Variants in SLX4IP observed in about 807,000 individuals in gnomAD.
The protein encoded by SLX4IP is SLX4 interacting protein, also known as protein SLX4IP.
Under a neutral mutation model 32.9 loss-of-function variants are expected in SLX4IP, and 34 were observed. That is an observed-to-expected ratio of 1.03 (90% CI 0.79 to 1.38). The LOEUF (loss-of-function observed/expected upper bound fraction) is 1.38. SLX4IP is among the 40% of genes most tolerant of loss of function. The probability of loss-of-function intolerance (pLI) is 0.00; values close to 1 mark genes in which losing one functional copy is unlikely to be tolerated. For synonymous variants in SLX4IP, 172 were observed against 171.7 expected (o/e 1.00, Z -0.01); for missense variants, 444 against 479.0 (o/e 0.93, Z 0.68).
chr20:10,566,449 C>A (rs528817682), intron 4 of SLX4IP, among the ~76,000 whole-genome samples: 2 of 152,200 alleles, frequency 1.3e-5, no homozygotes, highest in South Asian at 4.2e-4. Flanking sequence ...TCATTGTTAT[C>A]ATCTGTGTTA....
chr20:10,616,759 C>T (rs2067038401), intron 6 of SLX4IP, among the ~76,000 whole-genome samples: 1 of 152,190 alleles, frequency 6.6e-6, no homozygotes. Flanking sequence ...TCCTGACCAC[C>T]ATATCTAACA....
intron 2 of SLX4IP, among the ~76,000 whole-genome samples, chr20:10,522,651 CTCAG>C (rs1008284905): frequency 6.6e-6 from 1 of 152,214 alleles, no homozygotes. Context: ...CCTTCCGTCA[CTCAG>C]TCCTGGGGAG....
At chr20:10,565,305 A>G (rs995898307) in intron 4 of SLX4IP, among the ~76,000 whole-genome samples, 2 of 152,208 alleles carry the variant, frequency 1.3e-5, no homozygotes, top group Admixed American at 1.3e-4. Context: ...GAAGTTGATT[A>G]AAGATATTAG....
chr20:10,513,449 A>C (rs2065826851), intron 2 of SLX4IP, among the ~76,000 whole-genome samples: 1 of 152,234 alleles, frequency 6.6e-6, no homozygotes, highest in African/African-American at 2.4e-5. Context: ...GGATGAGGTT[A>C]AGAGGTGGAA....
chr20:10,493,859 C>CTTTTTTTTTTT (rs58299545), intron 2 of SLX4IP, among the ~76,000 whole-genome samples: 26 of 70,544 alleles, frequency 3.7e-4, no homozygotes, highest in Middle Eastern at 0.014. Flanking sequence ...TTATAGTTGC[C>CTTTTTTTTTTT]TTTTTTTTTT....
chr20:10,522,750 C>T lies in SLX4IP; in HGVS notation c.28-33481C>T, dbSNP rs144207731. ...ACAGAGAACCCTCCTTGTTCTTCCC[C>T]GCCATTGAATCTGTTCATCCATCGA... On this transcript the variant is annotated intron_variant, in intron 2 of 7. Transcript: ENST00000334534. 1.2e-4 allele frequency among the ~76,000 whole-genome samples: 19 copies of T among 152,304 alleles called. No individual in the cohort carries two copies. The East Asian group carries it at 3.5e-3, about 28-fold the overall frequency.
intron 4 of SLX4IP, among the ~76,000 whole-genome samples, chr20:10,582,026 A>C (rs2066592741): frequency 6.6e-6 from 1 of 152,158 alleles, no homozygotes; most frequent in Non-Finnish European, 1.5e-5. Flanking sequence ...GTGGATCTCC[A>C]GGAAGCTGGG....
At chr20:10,532,646 G>A (rs1024721657) in intron 2 of SLX4IP, among the ~76,000 whole-genome samples, 1 of 152,026 alleles carries the variant, frequency 6.6e-6, no homozygotes, top group Non-Finnish European at 1.5e-5. Flanking sequence ...TCTTAAATAG[G>A]GGTTCGTATT....
intron 2 of SLX4IP, among the ~76,000 whole-genome samples, chr20:10,510,760 A>T (rs1317828419): frequency 2.6e-5 from 4 of 151,932 alleles, no homozygotes; most frequent in African/African-American, 9.7e-5. Flanking sequence ...GCCCACCACC[A>T]TGCATGTCTA....
At chr20:10,477,898 CTTT>C (rs35993699) in intron 2 of SLX4IP, among the ~76,000 whole-genome samples, 158 of 129,804 alleles carry the variant, frequency 1.2e-3, no homozygotes, top group Middle Eastern at 3.9e-3. Context: ...TACAATCTCC[CTTT>C]TTTTTTTTTT....
intron 2 of SLX4IP, among the ~76,000 whole-genome samples, chr20:10,518,482 CCT>C (rs1487498185): frequency 9.1e-4 from 56 of 61,628 alleles, no homozygotes; most frequent in Middle Eastern, 0.019. Context: ...CTTTTCCTTT[CCT>C]TTCCTTTTCC....
At chr20:10,495,830 TTAC>T (rs1361590587) in intron 2 of SLX4IP, among the ~76,000 whole-genome samples, 84 of 144,242 alleles carry the variant, frequency 5.8e-4, no homozygotes, top group African/African-American at 1.9e-3. Context: ...TGTAAAACAT[TTAC>T]TTTTCAAGCC....
intron 3 of SLX4IP, 107 bp downstream of exon 3, chr20:10,556,427 A>G: frequency 8.9e-7 from 1 of 1,123,246 alleles, no homozygotes; most frequent in Non-Finnish European, 1.3e-6. Flanking sequence ...AATGTTGCGT[A>G]TTTAATCCTT....
chr20:10,560,616 A>G (rs1275420285), intron 3 of SLX4IP, 84 bp from the exon 4 acceptor site: 10 of 1,031,822 alleles, frequency 9.7e-6, no homozygotes, highest in African/African-American at 1.7e-5. Flanking sequence ...ATGAAATGAA[A>G]TGTTCATTGT....
intron 2 of SLX4IP, among the ~76,000 whole-genome samples, chr20:10,546,491 G>A (rs574771088): frequency 2.6e-5 from 4 of 152,284 alleles, no homozygotes; most frequent in South Asian, 4.1e-4. Context: ...TAACAGTTCA[G>A]AATTCATTTG....
Position 10,627,892 on chromosome 20 carries a change from GCT to G in SLX4IP, c.*4516_*4517del, listed in dbSNP as rs2067191226. On this transcript the variant is annotated 3_prime_UTR_variant, in exon 8 of 8. Coordinates refer to ENST00000334534, the MANE Select transcript of SLX4IP (RefSeq NM_001009608.3). Reference sequence around the variant, plus strand: ...AACAGCTATGTAAGTCCCCAGGAGAGCTCTTTTTCCCTTATCTTCTCATTTGT... The same window carrying G: ...AACAGCTATGTAAGTCCCCAGGAGAGCTTTTTCCCTTATCTTCTCATTTGT... 6.6e-6 allele frequency: 1 copy of G among 152,192 alleles called. No individual in the cohort carries two copies. Among genetic ancestry groups the G allele is most frequent in the Non-Finnish European group, 1.5e-5 (1 of 68,030 alleles). 9.4% of individuals were successfully genotyped at this position (152,192 alleles called of 1,614,324 possible). A position where few individuals can be genotyped will look rare whatever the true frequency, so the allele number is the denominator to read the frequency against.
At chr20:10,451,307 C>A (rs2065240058) in intron 1 of SLX4IP, among the ~76,000 whole-genome samples, 1 of 151,842 alleles carries the variant, frequency 6.6e-6, no homozygotes, top group Non-Finnish European at 1.5e-5. Flanking sequence ...ATTACAGGCG[C>A]CCACCACCAT....
intron 1 of SLX4IP, among the ~76,000 whole-genome samples, chr20:10,440,749 G>T (rs2065154352): frequency 1.3e-5 from 2 of 152,092 alleles, no homozygotes; most frequent in Admixed American, 6.5e-5. Context: ...TTTTATTAAT[G>T]ATTATCAGAA....
At chr20:10,558,314 C>T (rs2066289791) in intron 3 of SLX4IP, among the ~76,000 whole-genome samples, 1 of 143,586 alleles carries the variant, frequency 7.0e-6, no homozygotes, top group Middle Eastern at 3.4e-3. Flanking sequence ...TGAACTCCAC[C>T]ATGGGTGGCA....
Sources: allele counts gnomAD v4.1 joint callset (sites outside exome capture counted in the v4.1 genomes callset), GRCh38; gene constraint gnomAD v4.1.1; transcripts MANE v1.5; gene names NCBI Gene and HGNC (gene_info 2026-07-23, HGNC 2026-07-21).